Variants in PDGFRB observed in about 807,000 individuals in gnomAD.
The protein encoded by PDGFRB is platelet-derived growth factor receptor beta.
A neutral mutation model predicts 120.2 loss-of-function variants in PDGFRB; 42 were observed. The observed-to-expected ratio is 0.35, with a 90% confidence interval of 0.27 to 0.45. PDGFRB has a LOEUF of 0.45. PDGFRB is among the 20% of genes least tolerant of loss of function. The pLI is 1.00. For synonymous variants in PDGFRB, 586 were observed against 606.8 expected, an observed-to-expected ratio of 0.97 and a Z score of 0.50; for missense variants, 1,149 against 1,476.3, an observed-to-expected ratio of 0.78 and a Z score of 3.63.
chr5:150,148,174 T>C (rs1269343706), intron 1 of PDGFRB, among the ~76,000 whole-genome samples: 1 of 152,256 alleles, frequency 6.6e-6, no homozygotes, highest in East Asian at 1.9e-4. Flanking sequence ...CAGACCCATC[T>C]AATCACCACT....
intron 22 of PDGFRB, 85 bp downstream of exon 22, chr5:150,117,533 C>A (rs549135659): frequency 4.7e-6 from 3 of 636,958 alleles, no homozygotes; most frequent in Non-Finnish European, 7.9e-6. Context: ...TGGCAGCGCG[C>A]GCGCGCGCGC....
intron 1 of PDGFRB, among the ~76,000 whole-genome samples, chr5:150,146,922 G>A (rs761366442): frequency 5.9e-5 from 9 of 152,264 alleles, no homozygotes; most frequent in African/African-American, 1.2e-4. Context: ...GGCCTGCCCC[G>A]GGTCACCAAT....
chr5:150,117,661 C>T lies in PDGFRB; in HGVS notation c.3094G>A (p.Val1032Ile). Residue 1032 changes from valine (V) to isoleucine (I), a missense_variant, in exon 22 of 23, where the codon GTT becomes ATT. This residue lies in a region of PDGFRB where 202 missense variants were observed against 214.3 expected (regional missense o/e 0.94). Coordinates refer to ENST00000261799, the MANE Select transcript of PDGFRB (RefSeq NM_002609.4). ...CCCTCCAGTGGGCCCTCGTCAGCAA[C>T]CTCGGGTTTGGGGTCAGGCAGGGGG... is the stretch of plus-strand genomic sequence containing the variant. ...IIPLPDPKPE[V>I]ADEGPLEGSP... 2 of 1,613,914 alleles carry T rather than the reference C, an allele frequency of 1.2e-6. No individual in the cohort carries two copies. Among genetic ancestry groups the T allele is most frequent in the Non-Finnish European group, 1.7e-6 (2 of 1,179,866 alleles).
At chr5:150,153,268 T>G (rs1441845006) in intron 1 of PDGFRB, 1 of 152,338 alleles carries the variant, frequency 6.6e-6, no homozygotes, top group African/African-American at 2.4e-5. Context: ...AGGAGGGTGC[T>G]GACCAGATGG....
chr5:150,130,547 G>A lies in PDGFRB; in HGVS notation c.1359C>T (p.Asp453=), dbSNP rs766888775. The change falls in exon 9 of 23, where the codon GAC becomes GAT. Residue 453 remains aspartate, a synonymous_variant. Coordinates refer to ENST00000261799, the MANE Select transcript of PDGFRB (RefSeq NM_002609.4). ...QPNIIWSACR[D]LKRCPRELPP... ...GGCCCAGGTCTGCTCACCTTTTGAG[G>A]TCTCTGCAGGCAGACCAGATGATGT... 3.7e-6 allele frequency: 6 copies of A among 1,612,440 alleles called. No individual in the cohort carries two copies. In the African/African-American group the frequency reaches 6.7e-5, roughly 18 times the overall value.
chr5:150,151,116 G>A (rs949023286), intron 1 of PDGFRB, among the ~76,000 whole-genome samples: 10 of 152,172 alleles, frequency 6.6e-5, no homozygotes, highest in Admixed American at 4.6e-4. Flanking sequence ...TCTGTAATGT[G>A]TAGAAAAAGG....
chr5:150,116,485 T>G (rs1759936970), intron 22 of PDGFRB, among the ~76,000 whole-genome samples: 1 of 151,976 alleles, frequency 6.6e-6, no homozygotes, highest in African/African-American at 2.4e-5. Flanking sequence ...GCTGCATGCC[T>G]GTAATTCCAG....
At position 150,115,724 on chromosome 5, in the gene PDGFRB, G is replaced by T. The variant is rs2229561; in HGVS notation, c.*39C>A. 6.6e-3 allele frequency: 10,080 copies of T among 1,524,126 alleles called. 623 individuals carry two copies. The African/African-American group carries it at 0.13, about 19-fold the overall frequency. 94.4% of individuals were successfully genotyped at this position (1,524,126 alleles called of 1,614,324 possible). ...GCCAGGAGATGCTGGGTGCTGGCAG[G>T]GGGGGAGCTTCAGGCAGGGCAGGGT... On this transcript the variant is annotated 3_prime_UTR_variant, in exon 23 of 23. Transcript: ENST00000261799.
rs919884847 is a variant in PDGFRB at position 150,115,057 on chromosome 5, G to C, written c.*706C>G. ...ATGGGCCTGAAGGACAGGGACACAG[G>C]CACTTGCTATGGCTGCGTGTGCTCC... On this transcript the variant is annotated 3_prime_UTR_variant, in exon 23 of 23. Transcript: ENST00000261799. 2.6e-5 allele frequency: 6 copies of C among 233,202 alleles called. No individual in the cohort carries two copies. Among genetic ancestry groups the C allele is most frequent in the Non-Finnish European group, 4.2e-5 (5 of 117,984 alleles). 14.4% of individuals were successfully genotyped at this position (233,202 alleles called of 1,614,324 possible).
rs1759866308 is a variant in PDGFRB, at chr5:150,114,624, A to T, written c.*1139T>A. On this transcript the variant is annotated 3_prime_UTR_variant, in exon 23 of 23. Transcript: ENST00000261799. ...TTGAGACTTGCTGGGGGCCTGGGGAAGGGGCATGGTTCCTGAGTCCCCAGA... is the reference window on the plus strand; with the variant it reads ...TTGAGACTTGCTGGGGGCCTGGGGATGGGGCATGGTTCCTGAGTCCCCAGA... The T allele has an allele frequency of 4.3e-6, 1 of 233,352 alleles. No homozygotes were observed. The highest frequency in any genetic ancestry group is 5.6e-5 in the Admixed American group (1 of 17,766). 14.5% of individuals were successfully genotyped at this position (233,352 alleles called of 1,614,324 possible). A position where few individuals can be genotyped will look rare whatever the true frequency, so the allele number is the denominator to read the frequency against.
At position 150,155,615 on chromosome 5, in the gene PDGFRB, C is replaced by T. The variant is rs556296989; in HGVS notation, c.-225G>A. 41 of 398,828 alleles carry T rather than the reference C, an allele frequency of 1.0e-4. No homozygotes were observed. In the South Asian group the frequency reaches 1.9e-3, roughly 19 times the overall value. 24.7% of individuals were successfully genotyped at this position (398,828 alleles called of 1,614,324 possible). ...AGGGGGCTGCTGTAGGGGAGAGGAG[C>T]GGCCCAGCTTCGCCTCACTCCCCAA... On this transcript the variant is annotated 5_prime_UTR_variant, in exon 1 of 23. Transcript: ENST00000261799.
intron 10 of PDGFRB, among the ~76,000 whole-genome samples, chr5:150,127,111 C>G (rs965394938): frequency 6.6e-6 from 1 of 152,244 alleles, no homozygotes; most frequent in Non-Finnish European, 1.5e-5. Flanking sequence ...GGCTGAGACC[C>G]CCAGCCTGAT....
intron 13 of PDGFRB, 52 bp from the exon 14 acceptor site, chr5:150,124,412 G>T: frequency 7.7e-7 from 1 of 1,304,082 alleles, no homozygotes; most frequent in South Asian, 1.2e-5. Context: ...GCTCCATGGA[G>T]GCCCCACCAC....
At chr5:150,153,178 T>C (rs1371919808) in intron 1 of PDGFRB, among the ~76,000 whole-genome samples, 1 of 152,230 alleles carries the variant, frequency 6.6e-6, no homozygotes, top group Non-Finnish European at 1.5e-5. Flanking sequence ...TTCCACTGCC[T>C]GCCCCACATG....
Position 150,132,952 on chromosome 5 carries a change from G to C in PDGFRB, c.935-10C>G. The C allele has an allele frequency of 6.5e-7, 1 of 1,545,568 alleles. No homozygotes were observed. Among genetic ancestry groups the C allele is most frequent in the Non-Finnish European group, 8.7e-7 (1 of 1,142,936 alleles). ...CGCACGTAGCCGCTCTCTGCAAGGG[G>C]TGACCGTCAGGGGCGGGGCCCTGGG... On this transcript the variant is annotated splice_polypyrimidine_tract_variant and intron_variant, in intron 6 of 22. Transcript: ENST00000261799. This position sits in a 1 kb window ranked among gnomAD's most constrained non-coding sequence, Gnocchi z 5.0.
chr5:150,149,532 CCCA>C (rs1286911804), intron 1 of PDGFRB, among the ~76,000 whole-genome samples: 1 of 152,172 alleles, frequency 6.6e-6, no homozygotes, highest in Non-Finnish European at 1.5e-5. Context: ...CATCCACCCA[CCCA>C]CCAATCCATT....
rs753537658 is a variant in PDGFRB, at chr5:150,135,056, G to C, written c.365-40C>G. ...GCCGTGAATAAATCAGGGGAACTGG[G>C]TTTCTGGCCATCCCCTGAATTGCTG... On this transcript the variant is annotated intron_variant, in intron 3 of 22. Transcript: ENST00000261799. 1.2e-5 allele frequency: 13 copies of C among 1,095,188 alleles called. No homozygotes were observed. In the African/African-American group the frequency reaches 1.9e-4, roughly 16 times the overall value. The allele number at this position is 1,095,188 out of a possible 1,614,324, so 67.8% of individuals were successfully genotyped here.
At chr5:150,152,784 A>C (rs1401959390) in intron 1 of PDGFRB, among the ~76,000 whole-genome samples, 1 of 152,226 alleles carries the variant, frequency 6.6e-6, no homozygotes, top group Non-Finnish European at 1.5e-5. Flanking sequence ...CAAGTGTTCC[A>C]ATGCAGGAGG....
chr5:150,122,745 C>T (rs922667696), intron 15 of PDGFRB, among the ~76,000 whole-genome samples: 2 of 152,240 alleles, frequency 1.3e-5, no homozygotes, highest in African/African-American at 4.8e-5. Flanking sequence ...GCTTGGCTCT[C>T]ATCTCACCAC....
Sources: allele counts gnomAD v4.1 joint callset (sites outside exome capture counted in the v4.1 genomes callset), GRCh38; gene constraint gnomAD v4.1.1; regional missense constraint gnomAD v4.1.1; non-coding constraint Gnocchi (gnomAD v3.1); transcripts MANE v1.5; gene names NCBI Gene and HGNC (gene_info 2026-07-23, HGNC 2026-07-21).